COL25A1: variants seen among roughly 807,000 people sequenced by gnomAD.
COL25A1 encodes the protein collagen type XXV alpha 1 chain, also known as collagen alpha-1(XXV) chain.
In COL25A1, 103 loss-of-function variants were observed where a neutral mutation model predicts 128.4. That is an observed-to-expected ratio of 0.80 (90% CI 0.68 to 0.94). The LOEUF (loss-of-function observed/expected upper bound fraction) is 0.94. Ranked by LOEUF, COL25A1 falls within the 40% of genes least tolerant of loss-of-function variation. The pLI is 0.00. For synonymous variants in COL25A1, 279 were observed against 277.2 expected (o/e 1.01, Z -0.06); for missense variants, 745 against 840.0 (o/e 0.89, Z 1.40).
chr4:109,086,747 C>A (rs1409181412), intron 3 of COL25A1, among the ~76,000 whole-genome samples: 1 of 152,146 alleles, frequency 6.6e-6, no homozygotes, highest in African/African-American at 2.4e-5. Context: ...TCAATTAAAA[C>A]TCTGGCTAAG....
intron 3 of COL25A1, 81 bp downstream of exon 3, chr4:109,300,502 A>T: frequency 1.1e-6 from 1 of 913,270 alleles, no homozygotes; most frequent in Admixed American, 1.9e-5. Flanking sequence ...CTATTATTAC[A>T]GGTAGACTTG....
intron 3 of COL25A1, among the ~76,000 whole-genome samples, chr4:109,192,772 T>C (rs575807326): frequency 6.6e-6 from 1 of 151,912 alleles, no homozygotes; most frequent in African/African-American, 2.4e-5. Flanking sequence ...GAGAATGGCA[T>C]GAACCTGGGA....
chr4:109,159,508 T>A (rs1772359491), intron 3 of COL25A1, among the ~76,000 whole-genome samples: 6 of 152,210 alleles, frequency 3.9e-5, no homozygotes, highest in Admixed American at 3.9e-4. Flanking sequence ...CATCCTTTGC[T>A]AGGTCTTTGC....
At chr4:109,114,309 A>T (rs1281701031) in intron 3 of COL25A1, among the ~76,000 whole-genome samples, 1 of 151,866 alleles carries the variant, frequency 6.6e-6, no homozygotes. Flanking sequence ...AGTTCCTGAG[A>T]TCAACAGGAT....
chr4:109,134,005 T>C (rs976475395), intron 3 of COL25A1, among the ~76,000 whole-genome samples: 3 of 151,948 alleles, frequency 2.0e-5, no homozygotes, highest in Admixed American at 1.3e-4. Context: ...AGTCAGGAAA[T>C]GTTTCTTGAA....
chr4:108,932,522 G>T (rs1248070731), intron 11 of COL25A1, among the ~76,000 whole-genome samples: 13 of 152,116 alleles, frequency 8.5e-5, no homozygotes, highest in Admixed American at 8.5e-4. Flanking sequence ...TTATAATTCA[G>T]TAGAAGATAA....
At chr4:108,896,443 A>G (rs368842309) in intron 16 of COL25A1, among the ~76,000 whole-genome samples, 25 of 152,280 alleles carry the variant, frequency 1.6e-4, no homozygotes, top group African/African-American at 5.8e-4. Flanking sequence ...AATTTTTGAT[A>G]TATCATTTTA....
At chr4:108,956,083 G>C (rs1163788419) in intron 8 of COL25A1, among the ~76,000 whole-genome samples, 3 of 152,150 alleles carry the variant, frequency 2.0e-5, no homozygotes, top group Non-Finnish European at 1.5e-5. Flanking sequence ...AGTATATACA[G>C]ATTGCTAAAA....
At chr4:108,817,457 G>T (rs1278606433) in intron 36 of COL25A1, 22 bp from the exon 37 acceptor site, 12 of 1,610,870 alleles carry the variant, frequency 7.4e-6, no homozygotes, top group Non-Finnish European at 1.0e-5. Flanking sequence ...AGAAGAAAAA[G>T]AATTCCTCAG....
chr4:109,209,371 G>A lies in COL25A1; in HGVS notation c.367+91212C>T, dbSNP rs150163288. Among the ~76,000 whole-genome samples the A allele has an allele frequency of 7.3e-3, 1,101 of 151,860 alleles. 9 individuals carry two copies. The highest frequency in any genetic ancestry group is 0.024 in the African/African-American group (1,013 of 41,404). On this transcript the variant is annotated intron_variant, in intron 3 of 37. Transcript: ENST00000399132. Reference sequence around the variant, plus strand: ...GAGAGTTCCTAACATGTTCATATGCGTCTGAATAACCCAGTCAACTCCTTC... The same window carrying A: ...GAGAGTTCCTAACATGTTCATATGCATCTGAATAACCCAGTCAACTCCTTC...
At chr4:108,934,186 G>A (rs975132487) in intron 11 of COL25A1, among the ~76,000 whole-genome samples, 3 of 152,086 alleles carry the variant, frequency 2.0e-5, no homozygotes, top group African/African-American at 7.2e-5. Flanking sequence ...CCTTTGCAGG[G>A]ACATGGATGA....
chr4:109,004,711 C>T (rs749570167), intron 6 of COL25A1, among the ~76,000 whole-genome samples: 1 of 152,242 alleles, frequency 6.6e-6, no homozygotes, highest in East Asian at 1.9e-4. Flanking sequence ...GACGTGCCTG[C>T]TCCCCCTTTG....
At chr4:109,082,293 A>G (rs546907441) in intron 3 of COL25A1, among the ~76,000 whole-genome samples, 29 of 152,302 alleles carry the variant, frequency 1.9e-4, no homozygotes, top group Admixed American at 1.3e-4. Flanking sequence ...TTGCATAGAC[A>G]TATGTTTTCA....
At chr4:108,823,958 A>C (rs781062723) in intron 35 of COL25A1, 20 of 1,447,678 alleles carry the variant, frequency 1.4e-5, no homozygotes, top group Non-Finnish European at 1.7e-5. Context: ...TGGTGATAAT[A>C]ATTTTTTCTT....
At chr4:109,119,383 T>C (rs1767906859) in intron 3 of COL25A1, among the ~76,000 whole-genome samples, 1 of 151,878 alleles carries the variant, frequency 6.6e-6, no homozygotes, top group Admixed American at 6.6e-5. Flanking sequence ...AAGAAATTAA[T>C]AGAGAAAATC....
At chr4:109,241,115 A>T (rs908942870) in intron 3 of COL25A1, among the ~76,000 whole-genome samples, 2 of 152,040 alleles carry the variant, frequency 1.3e-5, no homozygotes, top group Admixed American at 6.6e-5. Flanking sequence ...AAGAACACAG[A>T]AACAAAAGAA....
chr4:109,036,254 T>G (rs181224858), intron 5 of COL25A1, among the ~76,000 whole-genome samples: 112 of 152,220 alleles, frequency 7.4e-4, no homozygotes, highest in African/African-American at 2.5e-3. Flanking sequence ...AAGGATTTTT[T>G]TTTCCCCTCT....
chr4:108,900,568 A>G (rs967911270), intron 14 of COL25A1, among the ~76,000 whole-genome samples: 3 of 152,194 alleles, frequency 2.0e-5, no homozygotes, highest in African/African-American at 7.2e-5. Context: ...TTTTTTTAAG[A>G]AACAAAGAAG....
chr4:108,836,537 A>T (rs907006914), intron 31 of COL25A1, among the ~76,000 whole-genome samples: 12 of 152,248 alleles, frequency 7.9e-5, no homozygotes, highest in African/African-American at 2.9e-4. Flanking sequence ...TCTCTATAAA[A>T]TATTTTTAAA....
Sources: allele counts gnomAD v4.1 joint callset (sites outside exome capture counted in the v4.1 genomes callset), GRCh38; gene constraint gnomAD v4.1.1; transcripts MANE v1.5; gene names NCBI Gene and HGNC (gene_info 2026-07-23, HGNC 2026-07-21).